The following CHD5 variants were observed in gnomAD, a reference collection of about 807,000 sequenced individuals.
CHD5 encodes ATP-dependent chromatin remodeler CHD5.
Under a neutral mutation model 230.3 loss-of-function variants are expected in CHD5, and 69 were observed. The observed-to-expected ratio is 0.30, with a 90% CI of 0.25 to 0.37. The LOEUF (loss-of-function observed/expected upper bound fraction) is 0.37, where lower values mean the gene tolerates loss of function less well. CHD5 is among the 10% of genes least tolerant of loss of function. The pLI, the probability that CHD5 is intolerant of heterozygous loss-of-function variation, is 1.00. For missense variants in CHD5, 1,827 were observed against 2,622.8 expected, an observed-to-expected ratio of 0.70 and a Z score of 6.63; for synonymous variants, 1,064 against 1,065.9, an observed-to-expected ratio of 1.00 and a Z score of 0.03.
Position 6,128,705 on chromosome 1 carries a change from C to T in CHD5, c.3620-96G>A. On this transcript the variant is annotated intron_variant, in intron 23 of 41. Transcript: ENST00000262450. This position sits in a 1 kb window ranked among gnomAD's most constrained non-coding sequence, Gnocchi z 7.8. ...AGACACCACCCTGGGCTGTCCTAGCCAGGAGATACAGGTGGGGGGTGCAGA... is the reference window on the plus strand; with the variant it reads ...AGACACCACCCTGGGCTGTCCTAGCTAGGAGATACAGGTGGGGGGTGCAGA... 7.8e-7 allele frequency: 1 copy of T among 1,280,652 alleles called. No individual in the cohort carries two copies. The allele number at this position is 1,280,652 out of a possible 1,614,324, so 79.3% of individuals were successfully genotyped here.
In CHD5 at chr1:6,167,523, A is replaced by G. The variant is rs1318235469; in HGVS notation, c.207+627T>C. Among the ~76,000 whole-genome samples the G allele has an allele frequency of 6.6e-6, 1 of 152,144 alleles. No individual in the cohort carries two copies. Among genetic ancestry groups the G allele is most frequent in the Admixed American group, 6.5e-5 (1 of 15,272 alleles). On this transcript the variant is annotated intron_variant, in intron 2 of 41. Transcript: ENST00000262450. This position sits in a 1 kb window ranked among gnomAD's most constrained non-coding sequence, Gnocchi z 4.5. Reference sequence around the variant, plus strand: ...CTGCCAACCAGCGATCATCCCTCCCATGCCACCAATTTCCAGGGCTGATCA... The same window carrying G: ...CTGCCAACCAGCGATCATCCCTCCCGTGCCACCAATTTCCAGGGCTGATCA...
intron 25 of CHD5, chr1:6,127,119 C>T (rs1453545962): frequency 4.1e-6 from 1 of 246,876 alleles, no homozygotes; most frequent in Non-Finnish European, 7.9e-6. Flanking sequence ...GAGGAGGAAA[C>T]GGAAAGGCCT....
intron 17 of CHD5, among the ~76,000 whole-genome samples, chr1:6,135,905 G>A (rs1337615417): frequency 6.6e-6 from 1 of 152,140 alleles, no homozygotes; most frequent in African/African-American, 2.4e-5. Flanking sequence ...AGCTACTCAG[G>A]AGGCTGAGGC....
At position 6,112,927 on chromosome 1, in the gene CHD5, T is replaced by G. The variant is rs758606696; in HGVS notation, c.4984A>C (p.Ser1662Arg). The G allele has an allele frequency of 1.9e-6, 3 of 1,613,858 alleles. No homozygotes were observed. Among genetic ancestry groups the G allele is most frequent in the African/African-American group, 2.7e-5 (2 of 75,060 alleles). Reference protein sequence around the residue: ...ELSLIHSRGDSSELRPDDTKA... With the variant: ...ELSLIHSRGDRSELRPDDTKA... ...CCCAGACCTGGCCTGAGTTCGGAAC[T>G]GTCCCCTCTGCTGTGGATCAAGCTC... Residue 1662 changes from serine to arginine, a missense_variant, in exon 34 of 42, where the codon AGT (serine) becomes CGT (arginine). Ser to Arg is a moderately radical substitution (Grantham distance 110, BLOSUM62 -1). Around this residue, in one of 14 missense-constraint regions of CHD5, gnomAD observed 272 missense variants for 263.2 expected, o/e 1.03. Coordinates refer to ENST00000262450, the MANE Select transcript of CHD5 (RefSeq NM_015557.3).
At position 6,123,717 on chromosome 1, in the gene CHD5, C is replaced by T. The variant is rs1194973742; in HGVS notation, c.4699+231G>A. Among the ~76,000 whole-genome samples the T allele has an allele frequency of 3.9e-5, 6 of 152,162 alleles. No homozygotes were observed. In the South Asian group the frequency reaches 8.3e-4, roughly 21 times the overall value. ...TGCTGTGATTAACAGGTGTGAGCCA[C>T]CGCGCCCAGCCAGTTTTTTAAAAGA... On this transcript the variant is annotated intron_variant, in intron 31 of 41. Transcript: ENST00000262450.
chr1:6,148,697 C>T (rs865889473), intron 9 of CHD5, among the ~76,000 whole-genome samples, 157 bp downstream of exon 9: 1 of 151,992 alleles, frequency 6.6e-6, no homozygotes, highest in Non-Finnish European at 1.5e-5. Context: ...GACGGGGTCT[C>T]GAGCAGCGCG....
Position 6,129,652 on chromosome 1 carries a change from T to C in CHD5, c.3387+552A>G, listed in dbSNP as rs781337897. 6.6e-6 allele frequency among the ~76,000 whole-genome samples: 1 copy of C among 152,122 alleles called. No individual in the cohort carries two copies. Among genetic ancestry groups the C allele is most frequent in the Non-Finnish European group, 1.5e-5 (1 of 68,006 alleles). ...ATCAATTTGTATGTGTTCCCCTACA[T>C]TTGTAAGCATTCAATGTGTGTGTCC... is the stretch of plus-strand genomic sequence containing the variant. On this transcript the variant is annotated intron_variant, in intron 22 of 41. Coordinates refer to ENST00000262450, the MANE Select transcript of CHD5 (RefSeq NM_015557.3). The surrounding 1 kb of genome is among the most constrained non-coding windows in gnomAD (Gnocchi z 6.8).
At chr1:6,127,937 C>T in intron 25 of CHD5, 109 bp downstream of exon 25, 2 of 952,188 alleles carry the variant, frequency 2.1e-6, no homozygotes, top group Non-Finnish European at 3.0e-6. Flanking sequence ...GCTTGGAGGG[C>T]TGGCTGCGGC....
At chr1:6,120,637 A>G (rs2100839049) in intron 33 of CHD5, among the ~76,000 whole-genome samples, 2 of 152,308 alleles carry the variant, frequency 1.3e-5, no homozygotes, top group Middle Eastern at 6.8e-3. Flanking sequence ...CCCAGTCTCT[A>G]TTAAAAATAC....
Position 6,105,908 on chromosome 1 carries a change from G to A in CHD5, c.*46+326C>T, listed in dbSNP as rs1666155540. Among the ~76,000 whole-genome samples, 1 of 152,046 alleles carries A rather than the reference G, an allele frequency of 6.6e-6. No homozygotes were observed. Among genetic ancestry groups the A allele is most frequent in the Admixed American group, 6.5e-5 (1 of 15,272 alleles). ...CAGGACAGGGCTCCAGGCGGGGGCAGCAGTCTCTGACTTCCGCTGGGAACA... is the reference window on the plus strand; with the variant it reads ...CAGGACAGGGCTCCAGGCGGGGGCAACAGTCTCTGACTTCCGCTGGGAACA... On this transcript the variant is annotated intron_variant, in intron 41 of 41. Coordinates refer to ENST00000262450, the MANE Select transcript of CHD5 (RefSeq NM_015557.3). The surrounding 1 kb of genome is among the most constrained non-coding windows in gnomAD (Gnocchi z 4.8).
chr1:6,127,443 G>A (rs953860935), intron 25 of CHD5, among the ~76,000 whole-genome samples: 4 of 151,694 alleles, frequency 2.6e-5, no homozygotes, highest in Admixed American at 1.3e-4. Context: ...CTGATACTGC[G>A]CCACTGCACT....
At chr1:6,163,709 C>T (rs1382984618) in intron 2 of CHD5, among the ~76,000 whole-genome samples, 1 of 152,170 alleles carries the variant, frequency 6.6e-6, no homozygotes, top group African/African-American at 2.4e-5. Context: ...CTGAGAGGCT[C>T]GTAGACCAAG....
At chr1:6,174,610 G>A (rs752496290) in intron 1 of CHD5, among the ~76,000 whole-genome samples, 1 of 150,768 alleles carries the variant, frequency 6.6e-6, no homozygotes, top group East Asian at 2.0e-4. Flanking sequence ...GTGGATGGAC[G>A]AATGGATGGT....
chr1:6,134,241 TG>T lies in CHD5; in HGVS notation c.3030del (p.Asn1011MetfsTer23). On this transcript the variant is annotated frameshift_variant, in exon 20 of 42. Coordinates refer to ENST00000262450, the MANE Select transcript of CHD5 (RefSeq NM_015557.3). LOFTEE classifies it high-confidence loss of function. This position sits in a 1 kb window ranked among gnomAD's most constrained non-coding sequence, Gnocchi z 6.3. ...PVAAVEAPVL[P>X]NGSYDGSSLV... ...AGGGAGCTTCCATCGTAGGAGCCAT[TG>T]GGCAAGACAGGGGCCTCCTGCAGAC... The T allele has an allele frequency of 6.2e-7, 1 of 1,613,498 alleles. No homozygotes were observed.
In CHD5 at chr1:6,155,987, G is replaced by A. The variant is rs144492282; in HGVS notation, c.388-270C>T. Among the ~76,000 whole-genome samples the A allele has an allele frequency of 0.022, 3,410 of 152,328 alleles. 73 individuals carry two copies. Among genetic ancestry groups the A allele is most frequent in the Non-Finnish European group, 0.029 (1,991 of 68,028 alleles). On this transcript the variant is annotated intron_variant, in intron 3 of 41. Coordinates refer to ENST00000262450, the MANE Select transcript of CHD5 (RefSeq NM_015557.3). The surrounding 1 kb of genome is among the most constrained non-coding windows in gnomAD (Gnocchi z 4.0). ...GTCAGGGTTTGGGGAGAGGCCATGT[G>A]TGTGCCCTGAACTTCCAGAAAGGGA...
chr1:6,107,483 GGAT>G, intron 38 of CHD5, among the ~76,000 whole-genome samples: 1 of 140,504 alleles, frequency 7.1e-6, no homozygotes, highest in African/African-American at 2.7e-5. Context: ...GATGATGAAG[GGAT>G]GATGGATAGA....
rs1166602544 is a variant in CHD5 at position 6,144,267 on chromosome 1, G to A, written c.1803-112C>T. 62 of 1,436,242 alleles carry A rather than the reference G, an allele frequency of 4.3e-5. No individual in the cohort carries two copies. The South Asian group carries it at 7.5e-4, about 17-fold the overall frequency. The allele number at this position is 1,436,242 out of a possible 1,614,324, so 89.0% of individuals were successfully genotyped here. ...ATTCACACCCAGGGTCCCCTCGGAT[G>A]CTGGGCCCAGCCAGGAGGAGGAGAC... On this transcript the variant is annotated intron_variant, in intron 11 of 41. Coordinates refer to ENST00000262450, the MANE Select transcript of CHD5 (RefSeq NM_015557.3).
intron 9 of CHD5, among the ~76,000 whole-genome samples, chr1:6,148,084 G>A (rs1410248969): frequency 6.6e-6 from 1 of 152,096 alleles, no homozygotes. Flanking sequence ...CCCCTACACA[G>A]ACACAGACAA....
chr1:6,107,548 T>TGATGGAAG (rs1454426903), intron 38 of CHD5, among the ~76,000 whole-genome samples: 5 of 112,606 alleles, frequency 4.4e-5, no homozygotes, highest in Non-Finnish European at 3.6e-5. Context: ...GATGGAGGGA[T>TGATGGAAG]AATGAAGGGA....
Sources: allele counts gnomAD v4.1 joint callset (sites outside exome capture counted in the v4.1 genomes callset), GRCh38; gene constraint gnomAD v4.1.1; regional missense constraint gnomAD v4.1.1; non-coding constraint Gnocchi (gnomAD v3.1); transcripts MANE v1.5; gene names NCBI Gene and HGNC (gene_info 2026-07-23, HGNC 2026-07-21).